The following B3GALNT2 variants were observed in gnomAD, a reference collection of about 807,000 sequenced individuals.
B3GALNT2 encodes beta-1,3-N-acetylgalactosaminyltransferase 2.
A neutral mutation model predicts 61.1 loss-of-function variants in B3GALNT2; 53 were observed. That is an observed-to-expected ratio of 0.87 (90% confidence interval 0.70 to 1.09). The LOEUF is 1.09. Among genes scored for constraint, B3GALNT2 ranks in the 50% least tolerant of loss-of-function variants. B3GALNT2 has a pLI of 0.00. For synonymous variants in B3GALNT2, 223 were observed against 237.4 expected (o/e 0.94, Z 0.56); for missense variants, 544 against 623.0 (o/e 0.87, Z 1.35).
intron 1 of B3GALNT2, among the ~76,000 whole-genome samples, chr1:235,500,753 C>T (rs1440720277): frequency 6.6e-6 from 1 of 152,350 alleles, no homozygotes; most frequent in East Asian, 1.9e-4. Flanking sequence ...ACTCCTCTCT[C>T]AAACTCATGG....
rs753959629 is a variant in B3GALNT2, at chr1:235,447,956, A to G, written c.*2250T>C. On this transcript the variant is annotated 3_prime_UTR_variant, in exon 12 of 12. Coordinates refer to ENST00000366600, the MANE Select transcript of B3GALNT2 (RefSeq NM_152490.5). Reference sequence around the variant, plus strand: ...GCCAGGCGCTGGGCTCATGCTTGTAATCCCAGCACTTTGGGGGGCCAGGGC... The same window carrying G: ...GCCAGGCGCTGGGCTCATGCTTGTAGTCCCAGCACTTTGGGGGGCCAGGGC... Among the ~76,000 whole-genome samples, 7 of 152,110 alleles carry G rather than the reference A, an allele frequency of 4.6e-5. No individual in the cohort carries two copies. The highest frequency in any genetic ancestry group is 8.8e-5 in the Non-Finnish European group (6 of 68,016).
intron 6 of B3GALNT2, 111 bp downstream of exon 6, chr1:235,470,739 A>C: frequency 6.9e-7 from 1 of 1,448,894 alleles, no homozygotes; most frequent in Non-Finnish European, 9.1e-7. Flanking sequence ...TGTAAAACAC[A>C]CAAGAATCAT....
chr1:235,503,548 C>A (rs1297140608), intron 1 of B3GALNT2, among the ~76,000 whole-genome samples: 1 of 152,226 alleles, frequency 6.6e-6, no homozygotes, highest in Non-Finnish European at 1.5e-5. Context: ...GGAACAACTC[C>A]AACTCTCGGC....
intron 7 of B3GALNT2, 22 bp from the exon 8 acceptor site, chr1:235,458,808 T>G (rs756244040): frequency 1.3e-6 from 2 of 1,553,390 alleles, no homozygotes; most frequent in East Asian, 2.3e-5. Context: ...AAGTTGAGAG[T>G]TGGAGAAAAA....
intron 5 of B3GALNT2, chr1:235,478,819 G>C (rs1684422228): frequency 1.3e-5 from 2 of 152,170 alleles, no homozygotes; most frequent in Non-Finnish European, 2.9e-5. Flanking sequence ...ATAACACATA[G>C]AAGCAAAAAT....
At chr1:235,472,177 T>A (rs1219997758) in intron 5 of B3GALNT2, among the ~76,000 whole-genome samples, 1 of 152,166 alleles carries the variant, frequency 6.6e-6, no homozygotes, top group African/African-American at 2.4e-5. Flanking sequence ...TAGTTTTTCA[T>A]TTGCTACTTA....
chr1:235,492,529 T>C (rs777536815), intron 2 of B3GALNT2, among the ~76,000 whole-genome samples: 8 of 152,222 alleles, frequency 5.3e-5, no homozygotes, highest in Non-Finnish European at 1.2e-4. Flanking sequence ...ATTCATTCAA[T>C]AGTTGTTGAG....
chr1:235,495,418 A>C (rs1467423378), intron 1 of B3GALNT2, among the ~76,000 whole-genome samples: 1 of 152,216 alleles, frequency 6.6e-6, no homozygotes. Flanking sequence ...GATGACGCTG[A>C]AGGACTTCCA....
At chr1:235,456,947 C>T (rs1456740806) in intron 8 of B3GALNT2, among the ~76,000 whole-genome samples, 1 of 152,074 alleles carries the variant, frequency 6.6e-6, no homozygotes, top group Admixed American at 6.6e-5. Flanking sequence ...GTATTCGACA[C>T]ACCCAGATTT....
At position 235,455,703 on chromosome 1, in the gene B3GALNT2, TAAGA is replaced by T. The variant is rs1558409240; in HGVS notation, c.1026-23_1026-20del. 1 of 1,602,508 alleles carries T rather than the reference TAAGA, an allele frequency of 6.2e-7. No individual in the cohort carries two copies. The highest frequency in any genetic ancestry group is 8.5e-7 in the Non-Finnish European group (1 of 1,170,336). ...CACAGTCCTGTTGACACAAAAGGGA[TAAGA>T]AAGTCAGTGCGACCAAACAAACAAA... On this transcript the variant is annotated intron_variant, in intron 8 of 11. Coordinates refer to ENST00000366600, the MANE Select transcript of B3GALNT2 (RefSeq NM_152490.5).
intron 5 of B3GALNT2, among the ~76,000 whole-genome samples, chr1:235,476,670 T>C (rs1290288353): frequency 6.6e-6 from 1 of 151,888 alleles, no homozygotes; most frequent in Admixed American, 6.6e-5. Context: ...GCCAACATGG[T>C]AAAATCTTGT....
At chr1:235,479,990 A>G (rs1684478941) in intron 5 of B3GALNT2, 64 bp downstream of exon 5, 1 of 1,589,346 alleles carries the variant, frequency 6.3e-7, no homozygotes, top group Non-Finnish European at 8.6e-7. Flanking sequence ...CTGCCCCTGA[A>G]AGCACACGCC....
chr1:235,471,369 G>A (rs1389686034), intron 5 of B3GALNT2, among the ~76,000 whole-genome samples: 1 of 152,046 alleles, frequency 6.6e-6, no homozygotes, highest in African/African-American at 2.4e-5. Flanking sequence ...TATCTACTAA[G>A]TATCTACTAA....
chr1:235,491,228 TAAAAGA>T (rs1165317054), intron 2 of B3GALNT2, among the ~76,000 whole-genome samples: 1 of 152,202 alleles, frequency 6.6e-6, no homozygotes, highest in African/African-American at 2.4e-5. Flanking sequence ...CTGTTTAACT[TAAAAGA>T]AAGACTTTTG....
chr1:235,468,852 T>A lies in B3GALNT2; in HGVS notation c.762+1998A>T, dbSNP rs112099057. Among the ~76,000 whole-genome samples, 923 of 152,306 alleles carry A rather than the reference T, an allele frequency of 6.1e-3. 7 individuals carry two copies. Among genetic ancestry groups the A allele is most frequent in the Middle Eastern group, 0.024 (7 of 292 alleles). On this transcript the variant is annotated intron_variant, in intron 6 of 11. Transcript: ENST00000366600. ...AAGGAGGCAAGATAATAAGGAAAGA[T>A]ATAATTCCATAAAACTTTCTATTTT... is the stretch of plus-strand genomic sequence containing the variant.
chr1:235,498,976 C>T (rs1419096846), intron 1 of B3GALNT2, among the ~76,000 whole-genome samples: 2 of 151,282 alleles, frequency 1.3e-5, no homozygotes, highest in Non-Finnish European at 2.9e-5. Context: ...TAACTTTGTC[C>T]AGCAATTCTA....
intron 5 of B3GALNT2, chr1:235,478,823 C>T (rs1684422678): frequency 6.6e-6 from 1 of 152,178 alleles, no homozygotes; most frequent in Non-Finnish European, 1.5e-5. Flanking sequence ...CACATAGAAG[C>T]AAAAATGTTA....
chr1:235,459,954 C>T (rs537264593), intron 7 of B3GALNT2, among the ~76,000 whole-genome samples: 20 of 151,972 alleles, frequency 1.3e-4, no homozygotes, highest in Non-Finnish European at 2.4e-4. Context: ...CTACCACGCC[C>T]GGCTAATTTT....
At chr1:235,477,540 C>T (rs1489020091) in intron 5 of B3GALNT2, among the ~76,000 whole-genome samples, 1 of 148,108 alleles carries the variant, frequency 6.8e-6, no homozygotes, top group Non-Finnish European at 1.5e-5. Flanking sequence ...TTGCTGCACC[C>T]CATGTGACTT....
Sources: allele counts gnomAD v4.1 joint callset (sites outside exome capture counted in the v4.1 genomes callset), GRCh38; gene constraint gnomAD v4.1.1; transcripts MANE v1.5; gene names NCBI Gene and HGNC (gene_info 2026-07-23, HGNC 2026-07-21).